The following ACVR1 variants were observed in gnomAD, a reference collection of about 807,000 sequenced individuals.
The protein encoded by ACVR1 is activin A receptor type 1.
Under a neutral mutation model 57.1 loss-of-function variants are expected in ACVR1, and 38 were observed. The ratio of observed to expected loss-of-function variants is 0.67; its 90% CI spans 0.51 to 0.87. ACVR1 has a LOEUF of 0.87. Ranked by LOEUF, ACVR1 falls within the 40% of genes least tolerant of loss-of-function variation. The probability of loss-of-function intolerance (pLI) is 0.00; values close to 1 mark genes in which losing one functional copy is unlikely to be tolerated. For synonymous variants in ACVR1, 212 were observed against 228.1 expected, an observed-to-expected ratio of 0.93 and a Z score of 0.63; for missense variants, 463 against 638.2, an observed-to-expected ratio of 0.73 and a Z score of 2.96.
chr2:157,801,984 C>T (rs773618023), intron 2 of ACVR1, among the ~76,000 whole-genome samples: 3 of 152,248 alleles, frequency 2.0e-5, no homozygotes, highest in East Asian at 3.9e-4. Flanking sequence ...GTGGCACTTA[C>T]AAGATATGTC....
intron 1 of ACVR1, among the ~76,000 whole-genome samples, chr2:157,825,133 T>C (rs950094063): frequency 6.6e-6 from 1 of 152,198 alleles, no homozygotes; most frequent in Non-Finnish European, 1.5e-5. Flanking sequence ...ACTGAAATCT[T>C]TGATTAACTA....
intron 6 of ACVR1, among the ~76,000 whole-genome samples, chr2:157,771,576 C>G (rs1391673379): frequency 6.6e-6 from 1 of 152,168 alleles, no homozygotes; most frequent in Non-Finnish European, 1.5e-5. Context: ...GCTGGAATCA[C>G]ACAGCTTCTA....
intron 6 of ACVR1, among the ~76,000 whole-genome samples, chr2:157,773,006 A>C (rs537170335): frequency 6.6e-6 from 1 of 152,278 alleles, no homozygotes; most frequent in Admixed American, 6.5e-5. Context: ...GAAAATCTGG[A>C]GAACAGCAGC....
chr2:157,752,546 T>A (rs921943716), intron 9 of ACVR1, among the ~76,000 whole-genome samples: 1 of 152,056 alleles, frequency 6.6e-6, no homozygotes, highest in African/African-American at 2.4e-5. Context: ...AAGTCCAAAT[T>A]AAGGAAATCC....
At chr2:157,748,347 C>A in intron 9 of ACVR1, among the ~76,000 whole-genome samples, 1 of 152,142 alleles carries the variant, frequency 6.6e-6, no homozygotes, top group East Asian at 1.9e-4. Context: ...GGGGCAAGTT[C>A]CACATCATAC....
chr2:157,828,440 A>C (rs1688467068), intron 1 of ACVR1, among the ~76,000 whole-genome samples: 2 of 111,864 alleles, frequency 1.8e-5, no homozygotes, highest in Non-Finnish European at 3.6e-5. Flanking sequence ...ACAGAGCAAG[A>C]CTCCGTCTCA....
intron 2 of ACVR1, among the ~76,000 whole-genome samples, chr2:157,799,929 T>C (rs1046244177): frequency 6.6e-6 from 1 of 152,212 alleles, no homozygotes; most frequent in Non-Finnish European, 1.5e-5. Flanking sequence ...GACTGAATAA[T>C]TCAAGCCAAA....
intron 1 of ACVR1, among the ~76,000 whole-genome samples, chr2:157,866,178 TTA>T (rs978273216): frequency 9.2e-5 from 14 of 152,100 alleles, no homozygotes; most frequent in African/African-American, 3.4e-4. Flanking sequence ...CCAATTTGAA[TTA>T]AACCAAAAAT....
chr2:157,809,194 G>C (rs977745126), intron 2 of ACVR1, among the ~76,000 whole-genome samples: 2 of 152,136 alleles, frequency 1.3e-5, no homozygotes, highest in Middle Eastern at 3.4e-3. Context: ...ATAGCAACCA[G>C]ATCAACCTAC....
At chr2:157,813,935 A>G (rs59153195) in intron 2 of ACVR1, among the ~76,000 whole-genome samples, 10,812 of 152,258 alleles carry the variant, frequency 0.071, 1,268 homozygotes, top group African/African-American at 0.25. Context: ...GGAGATAGTA[A>G]GTTTTTAAAT....
At chr2:157,852,668 C>T (rs1022119150) in intron 1 of ACVR1, among the ~76,000 whole-genome samples, 2 of 152,058 alleles carry the variant, frequency 1.3e-5, no homozygotes, top group African/African-American at 4.8e-5. Flanking sequence ...CAAACATACA[C>T]AAGATAGGTA....
chr2:157,814,852 G>T (rs1687876095), intron 2 of ACVR1, among the ~76,000 whole-genome samples: 2 of 152,204 alleles, frequency 1.3e-5, no homozygotes, highest in Non-Finnish European at 2.9e-5. Context: ...GGGAGGCCGA[G>T]GTGGGTGGAC....
chr2:157,795,785 G>T (rs375097692), intron 3 of ACVR1, among the ~76,000 whole-genome samples: 2 of 151,184 alleles, frequency 1.3e-5, no homozygotes, highest in African/African-American at 4.9e-5. Flanking sequence ...CTCCATAACT[G>T]CCCTTTTTCC....
chr2:157,865,795 C>CA (rs58489057), intron 1 of ACVR1, among the ~76,000 whole-genome samples: 90,726 of 119,102 alleles, frequency 0.76, 36,402 homozygotes, highest in Non-Finnish European at 0.89. Flanking sequence ...AACTCCATCT[C>CA]AAAAAAAAAA....
At chr2:157,741,147 T>A (rs1259603314) in intron 9 of ACVR1, among the ~76,000 whole-genome samples, 7 of 152,074 alleles carry the variant, frequency 4.6e-5, no homozygotes, top group Non-Finnish European at 1.0e-4. Flanking sequence ...AGTCTCTCAT[T>A]TTTTTTTCCC....
intron 3 of ACVR1, among the ~76,000 whole-genome samples, chr2:157,785,577 G>T (rs1324153537): frequency 6.6e-6 from 1 of 152,150 alleles, no homozygotes; most frequent in Non-Finnish European, 1.5e-5. Context: ...AAGAGGACAG[G>T]CTATACATTC....
intron 1 of ACVR1, among the ~76,000 whole-genome samples, chr2:157,858,481 T>C (rs2105373898): frequency 6.6e-6 from 1 of 152,300 alleles, no homozygotes; most frequent in South Asian, 2.1e-4. Context: ...CTTTTTATTT[T>C]TATTTTTTGA....
At chr2:157,748,700 C>T (rs544253310) in intron 9 of ACVR1, among the ~76,000 whole-genome samples, 1 of 151,974 alleles carries the variant, frequency 6.6e-6, no homozygotes, top group Admixed American at 6.5e-5. Context: ...TGAACACCTA[C>T]TTTGATACCC....
At chr2:157,764,438 C>A (rs1339924732) in intron 8 of ACVR1, among the ~76,000 whole-genome samples, 4 of 150,392 alleles carry the variant, frequency 2.7e-5, no homozygotes, top group African/African-American at 9.8e-5. Context: ...GAACTCCTGA[C>A]CTCAAGTGAT....
Sources: allele counts gnomAD v4.1 joint callset (sites outside exome capture counted in the v4.1 genomes callset), GRCh38; gene constraint gnomAD v4.1.1; transcripts MANE v1.5; gene names NCBI Gene and HGNC (gene_info 2026-07-23, HGNC 2026-07-21).